CFAP299: variants seen among roughly 807,000 people sequenced by gnomAD.
CFAP299 encodes the protein cilia- and flagella-associated protein 299.
In CFAP299, 21 loss-of-function variants were observed where a neutral mutation model predicts 27.0. The ratio of observed to expected loss-of-function variants is 0.78; its 90% CI spans 0.55 to 1.12. The LOEUF (loss-of-function observed/expected upper bound fraction) is 1.12, where lower values mean the gene tolerates loss of function less well. Among genes scored for constraint, CFAP299 ranks in the 50% most tolerant of loss-of-function variants. The pLI is 0.00. For synonymous variants in CFAP299, 104 were observed against 98.1 expected, an observed-to-expected ratio of 1.06 and a Z score of -0.36; for missense variants, 310 against 276.6, an observed-to-expected ratio of 1.12 and a Z score of -0.86.
At chr4:80,776,874 T>TAA (rs1244795792) in intron 3 of CFAP299, among the ~76,000 whole-genome samples, 112 of 132,848 alleles carry the variant, frequency 8.4e-4, no homozygotes, top group African/African-American at 3.0e-3. Context: ...CTCTCTAACC[T>TAA]AAAAAAAAAA....
chr4:80,676,557 C>G (rs1439294736), intron 3 of CFAP299, among the ~76,000 whole-genome samples: 2 of 152,004 alleles, frequency 1.3e-5, no homozygotes, highest in Non-Finnish European at 2.9e-5. Context: ...TTTTGGCAAA[C>G]TCAACTACAA....
intron 1 of CFAP299, among the ~76,000 whole-genome samples, chr4:80,353,175 A>T (rs1723096210): frequency 6.6e-6 from 1 of 152,216 alleles, no homozygotes; most frequent in Non-Finnish European, 1.5e-5. Flanking sequence ...GATTGTAGTC[A>T]CCCTAAACAT....
At chr4:80,717,952 G>A (rs971392359) in intron 3 of CFAP299, among the ~76,000 whole-genome samples, 2 of 152,012 alleles carry the variant, frequency 1.3e-5, no homozygotes, top group Non-Finnish European at 2.9e-5. Flanking sequence ...CGATTATAAT[G>A]TATATTAACA....
intron 2 of CFAP299, among the ~76,000 whole-genome samples, chr4:80,428,331 T>C (rs1036961694): frequency 3.3e-5 from 5 of 152,204 alleles, no homozygotes; most frequent in Non-Finnish European, 7.3e-5. Context: ...AAAAAGCCTA[T>C]TCTAAATTGG....
intron 2 of CFAP299, among the ~76,000 whole-genome samples, chr4:80,411,030 T>C (rs1413630992): frequency 3.9e-5 from 6 of 152,310 alleles, no homozygotes; most frequent in Middle Eastern, 3.4e-3. Flanking sequence ...AATTCGGTAA[T>C]GTATTATACG....
intron 3 of CFAP299, among the ~76,000 whole-genome samples, chr4:80,736,067 C>A (rs1415986471): frequency 1.3e-5 from 2 of 152,062 alleles, no homozygotes; most frequent in African/African-American, 4.8e-5. Context: ...TTTTGCTGAG[C>A]AGAAGCTCTT....
intron 3 of CFAP299, among the ~76,000 whole-genome samples, chr4:80,794,361 T>C (rs775201458): frequency 1.2e-4 from 19 of 152,152 alleles, no homozygotes; most frequent in Non-Finnish European, 2.5e-4. Context: ...TCATTAGGGG[T>C]GATGGCAAGT....
intron 3 of CFAP299, among the ~76,000 whole-genome samples, chr4:80,782,214 T>G (rs911549204): frequency 1.3e-5 from 2 of 151,960 alleles, no homozygotes; most frequent in African/African-American, 4.8e-5. Flanking sequence ...TCCACCAGAT[T>G]GGAACCTAAA....
chr4:80,693,659 T>A (rs1720897993), intron 3 of CFAP299, among the ~76,000 whole-genome samples: 1 of 151,486 alleles, frequency 6.6e-6, no homozygotes, highest in Admixed American at 6.6e-5. Flanking sequence ...ACCTGCACAT[T>A]GTGCACATGT....
chr4:80,866,465 A>G (rs1732753055), intron 3 of CFAP299, among the ~76,000 whole-genome samples: 1 of 152,118 alleles, frequency 6.6e-6, no homozygotes, highest in Admixed American at 6.6e-5. Context: ...TCATGAAGAA[A>G]GAGGCTGCTC....
At chr4:80,846,715 C>T (rs1396162325) in intron 3 of CFAP299, among the ~76,000 whole-genome samples, 1 of 152,110 alleles carries the variant, frequency 6.6e-6, no homozygotes, top group Non-Finnish European at 1.5e-5. Flanking sequence ...TCTGCTCAGG[C>T]TTGTTCATAT....
intron 3 of CFAP299, among the ~76,000 whole-genome samples, chr4:80,783,852 A>G (rs1409643508): frequency 6.6e-6 from 1 of 152,082 alleles, no homozygotes; most frequent in East Asian, 1.9e-4. Flanking sequence ...ATTTATTTTG[A>G]TAAACAGTGT....
At chr4:80,360,282 C>G (rs1723477922) in intron 1 of CFAP299, among the ~76,000 whole-genome samples, 1 of 152,192 alleles carries the variant, frequency 6.6e-6, no homozygotes, top group African/African-American at 2.4e-5. Flanking sequence ...GCACTCACCA[C>G]AGTGACAGAG....
chr4:80,503,481 T>G (rs1052863381), intron 2 of CFAP299, among the ~76,000 whole-genome samples: 2 of 152,138 alleles, frequency 1.3e-5, no homozygotes, highest in African/African-American at 4.8e-5. Flanking sequence ...AATGTTCTTA[T>G]TCTCAGGAGA....
At chr4:80,732,519 T>C (rs1180280933) in intron 3 of CFAP299, among the ~76,000 whole-genome samples, 2 of 152,172 alleles carry the variant, frequency 1.3e-5, no homozygotes, top group East Asian at 1.9e-4. Flanking sequence ...TACATTCTAT[T>C]CTTTAATTCT....
At chr4:80,751,951 G>T (rs538310560) in intron 3 of CFAP299, among the ~76,000 whole-genome samples, 1 of 152,174 alleles carries the variant, frequency 6.6e-6, no homozygotes, top group African/African-American at 2.4e-5. Context: ...TGGGGCCAGA[G>T]TATGTAAAAC....
chr4:80,800,167 A>ATAATATATAATATAATATATAATATATAT (rs1728340965), intron 3 of CFAP299, among the ~76,000 whole-genome samples: 1 of 56,246 alleles, frequency 1.8e-5, no homozygotes, highest in Non-Finnish European at 2.7e-5. Context: ...TATATAATAC[A>ATAATATATAATATAATATATAATATATAT]TATAATATAT....
intron 4 of CFAP299, among the ~76,000 whole-genome samples, chr4:80,943,440 C>CA (rs1361535291): frequency 1.3e-5 from 2 of 151,726 alleles, no homozygotes; most frequent in Admixed American, 6.6e-5. Context: ...TTTCTATTTT[C>CA]AAAAAAGAAA....
In CFAP299 at chr4:80,789,204, C is replaced by T. The variant is rs866788359; in HGVS notation, c.334-80789C>T. On this transcript the variant is annotated intron_variant, in intron 3 of 5. Coordinates refer to ENST00000358105, the MANE Select transcript of CFAP299 (RefSeq NM_152770.3). The stretch of plus-strand genomic sequence containing the variant: ...AATATCCAAGCAGCTCTGTTCTGAC[C>T]TGTGTTTCTTCAGCCTGCCTGGTGT... Among the ~76,000 whole-genome samples the T allele has an allele frequency of 4.0e-5, 6 of 148,214 alleles. No homozygotes were observed. The Middle Eastern group carries it at 0.01, about 257-fold the overall frequency.
Sources: allele counts gnomAD v4.1 joint callset (sites outside exome capture counted in the v4.1 genomes callset), GRCh38; gene constraint gnomAD v4.1.1; transcripts MANE v1.5; gene names NCBI Gene and HGNC (gene_info 2026-07-23, HGNC 2026-07-21).